NELL2: variants seen among roughly 807,000 people sequenced by gnomAD.
NELL2 encodes the protein protein kinase C-binding protein NELL2.
NELL2 carries 41 observed loss-of-function variants against 109.6 expected under a neutral mutation model. The observed-to-expected ratio is 0.37, with a 90% CI of 0.29 to 0.49. The LOEUF is 0.49. NELL2 is among the 20% of genes least tolerant of loss of function. The pLI is 0.98. For synonymous variants in NELL2, 355 were observed against 344.7 expected, an observed-to-expected ratio of 1.03 and a Z score of -0.33; for missense variants, 900 against 1,008.3, an observed-to-expected ratio of 0.89 and a Z score of 1.45.
intron 9 of NELL2, among the ~76,000 whole-genome samples, chr12:44,729,775 C>A (rs1678356510): frequency 6.6e-6 from 1 of 151,702 alleles, no homozygotes; most frequent in Admixed American, 6.6e-5. Context: ...ACCACCACAC[C>A]AGGCCTTTTT....
At chr12:44,818,734 T>A (rs1566465054) in intron 2 of NELL2, among the ~76,000 whole-genome samples, 3 of 107,460 alleles carry the variant, frequency 2.8e-5, no homozygotes, top group African/African-American at 4.2e-5. Flanking sequence ...TATTTTTTTT[T>A]TTTTATTTTT....
chr12:44,601,867 G>T (rs1461959640), intron 15 of NELL2, among the ~76,000 whole-genome samples: 1 of 152,112 alleles, frequency 6.6e-6, no homozygotes, highest in Non-Finnish European at 1.5e-5. Flanking sequence ...TAGCTGGCTG[G>T]TAATAGAACT....
At chr12:44,780,642 T>C (rs969994377) in intron 3 of NELL2, among the ~76,000 whole-genome samples, 6 of 151,948 alleles carry the variant, frequency 3.9e-5, no homozygotes, top group Non-Finnish European at 7.4e-5. Context: ...TTCCATCTCA[T>C]CTTGGAAGTA....
At chr12:44,771,815 T>A (rs977842928) in intron 9 of NELL2, among the ~76,000 whole-genome samples, 1 of 152,172 alleles carries the variant, frequency 6.6e-6, no homozygotes, top group African/African-American at 2.4e-5. Context: ...AGGGAAAGTA[T>A]AAAGGAAGCT....
Position 44,610,964 on chromosome 12 carries a change from T to C in NELL2, c.1451A>G (p.Asp484Gly), listed in dbSNP as rs780787212. 2.5e-6 allele frequency: 4 copies of C among 1,612,376 alleles called. No individual in the cohort carries two copies. In the African/African-American group the frequency reaches 5.3e-5, roughly 22 times the overall value. ...RIDDYSCTEH[D>G]ECITNQHNCD... ...GTTGTGCTGATTTGTGATACACTCA[T>C]CATGTTCTGAAATGAGGAATACAAT... Residue 484 changes from aspartate (D) to glycine (G), a missense_variant, in exon 14 of 20, where the codon GAT (aspartate) becomes GGT (glycine). Asp to Gly is a moderately conservative substitution (Grantham distance 94). Coordinates refer to ENST00000429094, the MANE Select transcript of NELL2 (RefSeq NM_001145108.2).
At chr12:44,892,800 A>T (rs1945550597) in intron 1 of NELL2, among the ~76,000 whole-genome samples, 1 of 143,412 alleles carries the variant, frequency 7.0e-6, no homozygotes, top group Non-Finnish European at 1.5e-5. Flanking sequence ...TCTGTCTCAA[A>T]AAAAAAAAAA....
At chr12:44,714,019 T>C (rs1406857821) in intron 10 of NELL2, among the ~76,000 whole-genome samples, 1 of 151,912 alleles carries the variant, frequency 6.6e-6, no homozygotes, top group African/African-American at 2.4e-5. Context: ...TAATGTAACA[T>C]TAGGGTCAAG....
At chr12:44,886,127 G>GGAAA (rs1319389990) in intron 1 of NELL2, among the ~76,000 whole-genome samples, 15 of 148,350 alleles carry the variant, frequency 1.0e-4, no homozygotes, top group Admixed American at 9.9e-4. Flanking sequence ...AAGGAAGGAA[G>GGAAA]GAAGGAAGGA....
intron 15 of NELL2, among the ~76,000 whole-genome samples, chr12:44,545,652 A>G (rs951945019): frequency 6.6e-6 from 1 of 152,126 alleles, no homozygotes; most frequent in Non-Finnish European, 1.5e-5. Flanking sequence ...GGCTGAACAG[A>G]AACTTCCAGC....
At chr12:44,517,485 C>A (rs753187801) in intron 19 of NELL2, among the ~76,000 whole-genome samples, 2 of 151,068 alleles carry the variant, frequency 1.3e-5, no homozygotes, top group Admixed American at 6.6e-5. Context: ...TTCCTATAGA[C>A]CCTGCAGAAC....
chr12:44,569,787 T>A (rs1017537756), intron 15 of NELL2, among the ~76,000 whole-genome samples: 1 of 152,194 alleles, frequency 6.6e-6, no homozygotes, highest in Non-Finnish European at 1.5e-5. Flanking sequence ...ATATCTATTA[T>A]ATTCAGAGAG....
At chr12:44,548,543 T>TAA (rs10718866) in intron 15 of NELL2, among the ~76,000 whole-genome samples, 1 of 139,276 alleles carries the variant, frequency 7.2e-6, no homozygotes, top group Admixed American at 7.1e-5. Context: ...AGACTCCGTC[T>TAA]AAAAAAAAAA....
At chr12:44,627,834 C>T (rs1946319862) in intron 13 of NELL2, among the ~76,000 whole-genome samples, 1 of 152,204 alleles carries the variant, frequency 6.6e-6, no homozygotes, top group Non-Finnish European at 1.5e-5. Context: ...CATTCAAGAA[C>T]ACCAATATGT....
intron 9 of NELL2, among the ~76,000 whole-genome samples, chr12:44,773,046 T>C (rs180789437): frequency 2.0e-5 from 3 of 152,358 alleles, no homozygotes; most frequent in Admixed American, 2.0e-4. Context: ...AGAATTGAAA[T>C]TCACTTCTGA....
intron 3 of NELL2, among the ~76,000 whole-genome samples, chr12:44,815,310 G>A (rs1321953717): frequency 1.3e-5 from 2 of 151,906 alleles, no homozygotes; most frequent in African/African-American, 4.8e-5. Flanking sequence ...CCAACTATGA[G>A]GTAAAAAAGG....
chr12:44,840,252 C>T (rs1944182499), intron 2 of NELL2, among the ~76,000 whole-genome samples: 2 of 152,138 alleles, frequency 1.3e-5, no homozygotes, highest in African/African-American at 4.8e-5. Flanking sequence ...CTCAGAGTGT[C>T]AGTATATTGA....
intron 15 of NELL2, among the ~76,000 whole-genome samples, chr12:44,540,974 G>A (rs764140383): frequency 2.6e-5 from 4 of 151,680 alleles, no homozygotes; most frequent in East Asian, 1.9e-4. Flanking sequence ...GGCCGGGCGC[G>A]GTGGCTCACA....
intron 13 of NELL2, among the ~76,000 whole-genome samples, chr12:44,650,753 G>T (rs368513202): frequency 6.6e-6 from 1 of 150,450 alleles, no homozygotes; most frequent in Non-Finnish European, 1.5e-5. Flanking sequence ...AGAGGTCTCT[G>T]TCTTTCTTTC....
intron 9 of NELL2, among the ~76,000 whole-genome samples, chr12:44,721,028 G>A (rs977190995): frequency 6.6e-6 from 1 of 152,118 alleles, no homozygotes; most frequent in African/African-American, 2.4e-5. Context: ...TAGAACAAGA[G>A]CAAAAATTCA....
Sources: gnomAD v4.1 joint callset for allele counts (sites outside exome capture counted in the v4.1 genomes callset) on GRCh38, gnomAD v4.1.1 for gene constraint, MANE v1.5 for transcripts, NCBI Gene and HGNC (gene_info 2026-07-23, HGNC 2026-07-21) for gene names.